SPATA9: variants seen among roughly 807,000 people sequenced by gnomAD.
The protein encoded by SPATA9 is spermatogenesis associated 9, also known as spermatogenesis-associated protein 9.
SPATA9 carries 27 observed loss-of-function variants against 25.5 expected under a neutral mutation model. The observed-to-expected ratio is 1.06, with a 90% CI of 0.78 to 1.46. The LOEUF (loss-of-function observed/expected upper bound fraction) is 1.46, where lower values mean the gene tolerates loss of function less well. SPATA9 is among the 40% of genes most tolerant of loss of function. SPATA9 has a pLI of 0.00. For synonymous variants in SPATA9, 102 were observed against 105.7 expected, an observed-to-expected ratio of 0.97 and a Z score of 0.21; for missense variants, 282 against 297.5, an observed-to-expected ratio of 0.95 and a Z score of 0.38.
At chr5:95,669,295 C>A (rs572145080) in intron 3 of SPATA9, among the ~76,000 whole-genome samples, 1 of 152,088 alleles carries the variant, frequency 6.6e-6, no homozygotes, top group Admixed American at 6.6e-5. Context: ...CCTCTTTCCC[C>A]GGGTCTAGAT....
intron 1 of SPATA9, among the ~76,000 whole-genome samples, chr5:95,691,340 G>C (rs1422135): frequency 0.57 from 86,466 of 151,994 alleles, 24,767 homozygotes; most frequent in East Asian, 0.8. Context: ...TAAATAAACT[G>C]TTGTTTTCTC....
the SPATA9 span, chr5:95,731,679 G>C: frequency 1.1e-5 from 17 of 1,613,350 alleles, no homozygotes; most frequent in African/African-American, 1.9e-4. Context: ...TTGGATTTGA[G>C]ATCATGTACG....
At chr5:95,695,903 T>C (rs1214035745) in intron 1 of SPATA9, among the ~76,000 whole-genome samples, 1 of 152,200 alleles carries the variant, frequency 6.6e-6, no homozygotes, top group Non-Finnish European at 1.5e-5. Context: ...ACAAAAAGGC[T>C]GTGGCTTCTG....
chr5:95,669,877 G>T (rs1028590612), intron 3 of SPATA9, among the ~76,000 whole-genome samples: 1 of 152,096 alleles, frequency 6.6e-6, no homozygotes, highest in African/African-American at 2.4e-5. Context: ...CATTCCTGAG[G>T]CTTTTTATAG....
At chr5:95,710,118 G>A in the SPATA9 span, among the ~76,000 whole-genome samples, 34,587 of 152,024 alleles carry the variant, frequency 0.23, 4,195 homozygotes, top group East Asian at 0.5. Flanking sequence ...CTGAGCCCAC[G>A]GCACATCTGT....
chr5:95,724,220 T>C, the SPATA9 span, among the ~76,000 whole-genome samples: 1 of 152,224 alleles, frequency 6.6e-6, no homozygotes, highest in African/African-American at 2.4e-5. Context: ...CTTAAAAAGA[T>C]ATGTGGAATT....
At chr5:95,731,008 G>A in the SPATA9 span, 1 of 759,124 alleles carries the variant, frequency 1.3e-6, no homozygotes, top group Non-Finnish European at 1.9e-6. Flanking sequence ...GGAGTGAGCG[G>A]GGGCCCCATC....
At chr5:95,663,350 A>T (rs1357368376) in intron 4 of SPATA9, among the ~76,000 whole-genome samples, 1 of 152,204 alleles carries the variant, frequency 6.6e-6, no homozygotes, top group African/African-American at 2.4e-5. Flanking sequence ...TATCCTGTAT[A>T]GGAAAGGGTA....
chr5:95,678,226 A>C (rs1475267412), intron 2 of SPATA9, among the ~76,000 whole-genome samples: 1 of 152,068 alleles, frequency 6.6e-6, no homozygotes, highest in Admixed American at 6.6e-5. Flanking sequence ...AAAATACAAA[A>C]ATTAATCCAG....
At chr5:95,654,237 G>A (rs148197241), downstream of SPATA9, 49 of 1,610,920 alleles carry the variant, frequency 3.0e-5, no homozygotes, top group African/African-American at 2.1e-4. Context: ...CGCTGTTACC[G>A]TAAGATTTTA....
intron 2 of SPATA9, among the ~76,000 whole-genome samples, chr5:95,679,295 G>A (rs1264073219): frequency 6.6e-6 from 1 of 152,170 alleles, no homozygotes; most frequent in Non-Finnish European, 1.5e-5. Flanking sequence ...GTGCTGGCCT[G>A]AGCTATTTGA....
At chr5:95,705,262 T>C in the SPATA9 span, among the ~76,000 whole-genome samples, 1 of 152,178 alleles carries the variant, frequency 6.6e-6, no homozygotes, top group Admixed American at 6.5e-5. Flanking sequence ...CCACCATGCC[T>C]AGCCAGGTTG....
In SPATA9 at chr5:95,682,519, T is replaced by A. The variant is rs748987665; in HGVS notation, c.150+9A>T. The A allele has an allele frequency of 1.3e-6, 2 of 1,563,178 alleles. No homozygotes were observed. The highest frequency in any genetic ancestry group is 3.5e-5 in the Admixed American group (2 of 57,176). On this transcript the variant is annotated intron_variant, in intron 2 of 4. Coordinates refer to ENST00000274432, the MANE Select transcript of SPATA9 (RefSeq NM_031952.4). ...TCTATTCCTTTTAAAGGTTATAAAA[T>A]CACATTACCTGATTAGACTGTGATA...
At chr5:95,730,481 C>G in the SPATA9 span, among the ~76,000 whole-genome samples, 1 of 152,112 alleles carries the variant, frequency 6.6e-6, no homozygotes, top group African/African-American at 2.4e-5. Flanking sequence ...ATATTCATAG[C>G]CTTTACTTCA....
intron 3 of SPATA9, among the ~76,000 whole-genome samples, chr5:95,673,894 A>C: frequency 6.6e-6 from 1 of 151,408 alleles, no homozygotes; most frequent in Non-Finnish European, 1.5e-5. Flanking sequence ...CAGGCACACC[A>C]CCATGCTGGC....
At chr5:95,702,484 GC>G (rs1409727154), upstream of SPATA9, among the ~76,000 whole-genome samples, 4 of 152,132 alleles carry the variant, frequency 2.6e-5, no homozygotes, top group African/African-American at 9.7e-5. Flanking sequence ...CTGCCCAGGG[GC>G]AGAAATAAAA....
chr5:95,725,656 T>G, the SPATA9 span, among the ~76,000 whole-genome samples: 1 of 152,372 alleles, frequency 6.6e-6, no homozygotes. Flanking sequence ...TGCTATAAAA[T>G]TCTTGTTTCC....
At chr5:95,719,915 C>G in the SPATA9 span, 1 of 152,158 alleles carries the variant, frequency 6.6e-6, no homozygotes, top group Admixed American at 6.5e-5. Flanking sequence ...ACAAAACATC[C>G]TTGGGATCAA....
downstream of SPATA9, among the ~76,000 whole-genome samples, chr5:95,653,606 C>A (rs944418750): frequency 6.6e-6 from 1 of 152,106 alleles, no homozygotes; most frequent in Non-Finnish European, 1.5e-5. Context: ...TTAATATAAT[C>A]CAGTATTTAT....
Sources: gnomAD v4.1 joint callset for allele counts (sites outside exome capture counted in the v4.1 genomes callset) on GRCh38, gnomAD v4.1.1 for gene constraint, MANE v1.5 for transcripts, NCBI Gene and HGNC (gene_info 2026-07-23, HGNC 2026-07-21) for gene names.